The following CIDEA variants were observed in gnomAD, a reference collection of about 807,000 sequenced individuals.
The protein encoded by CIDEA is lipid transferase CIDEA.
Under a neutral mutation model 18.2 loss-of-function variants are expected in CIDEA, and 10 were observed. The ratio of observed to expected loss-of-function variants is 0.55; its 90% CI spans 0.34 to 0.93. The LOEUF (loss-of-function observed/expected upper bound fraction) is 0.93, where lower values mean the gene tolerates loss of function less well. CIDEA is among the 40% of genes least tolerant of loss of function. The pLI is 0.02. For missense variants in CIDEA, 309 were observed against 293.1 expected (o/e 1.05, Z -0.40); for synonymous variants, 128 against 124.8 (o/e 1.03, Z -0.17).
At chr18:12,275,006 G>A (rs1912665767) in intron 4 of CIDEA, among the ~76,000 whole-genome samples, 1 of 152,202 alleles carries the variant, frequency 6.6e-6, no homozygotes, top group African/African-American at 2.4e-5. Context: ...TAACTTCTCT[G>A]AGCCTTGCTT....
intron 1 of CIDEA, 45 bp from the exon 2 acceptor site, chr18:12,262,780 G>A (rs148468992): frequency 1.3e-6 from 2 of 1,573,186 alleles, no homozygotes; most frequent in Non-Finnish European, 1.7e-6. Flanking sequence ...CACTTCTTCT[G>A]ACAGACTCTT....
At position 12,274,143 on chromosome 18, in the gene CIDEA, G is replaced by A. The variant is rs779178307; in HGVS notation, c.381G>A (p.Ala127=). 2.4e-5 allele frequency: 38 copies of A among 1,613,952 alleles called. 1 individual carries two copies. The highest frequency in any genetic ancestry group is 4.4e-5 in the South Asian group (4 of 91,076). ...CGCCGCCGAAGAGGTCGGGAATAGC[G>A]AGAGTCACCTTCGACTTGTACAGGC... ...TCSPPKRSGI[A]RVTFDLYRLN... is the part of the protein sequence containing the mutation. Residue 127 remains alanine, a synonymous_variant, in exon 4 of 5, where the codon GCG becomes GCA. Transcript: ENST00000320477.
rs573292169 is a variant in CIDEA, at chr18:12,269,238, C to T, written c.330+4785C>T. On this transcript the variant is annotated intron_variant, in intron 3 of 4. Transcript: ENST00000320477. ...TTAATGTCTGGCTTAATAGAAGATT[C>T]TTATATCTGCTTCTTTATATTCAGT... Among the ~76,000 whole-genome samples, 5 of 152,238 alleles carry T rather than the reference C, an allele frequency of 3.3e-5. No homozygotes were observed. The East Asian group carries it at 9.6e-4, about 29-fold the overall frequency.
chr18:12,264,658 A>G (rs931591366), intron 3 of CIDEA, among the ~76,000 whole-genome samples: 2 of 150,708 alleles, frequency 1.3e-5, no homozygotes, highest in African/African-American at 2.4e-5. Context: ...GGTTCACGCC[A>G]TTCTCCTGCC....
chr18:12,274,260 C>G lies in CIDEA; in HGVS notation c.498C>G (p.Leu166=). The G allele has an allele frequency of 5.0e-6, 8 of 1,614,146 alleles. No homozygotes were observed. The highest frequency in any genetic ancestry group is 6.8e-6 in the Non-Finnish European group (8 of 1,180,006). Residue 166 remains leucine (L), a synonymous_variant, in exon 4 of 5, where the codon CTC becomes CTG. Transcript: ENST00000320477. ...CCTACGACATCCGGTGCACGGGACT[C>G]AAGGGCCTGCTGAGGTAACACACTC... ...SVSYDIRCTG[L]KGLLRSLLRF... is the part of the protein sequence containing the mutation.
chr18:12,260,574 A>G (rs1232593374), intron 1 of CIDEA, among the ~76,000 whole-genome samples: 1 of 152,362 alleles, frequency 6.6e-6, no homozygotes, highest in East Asian at 1.9e-4. Flanking sequence ...TAGATAATAT[A>G]CTATCTAAAA....
At chr18:12,268,887 G>T (rs1483969821) in intron 3 of CIDEA, among the ~76,000 whole-genome samples, 2 of 150,098 alleles carry the variant, frequency 1.3e-5, no homozygotes, top group Non-Finnish European at 1.5e-5. Flanking sequence ...GTGCAGTGGC[G>T]TGATCTCGGC....
chr18:12,262,650 A>G (rs139473264), intron 1 of CIDEA, among the ~76,000 whole-genome samples, 175 bp from the exon 2 acceptor site: 27 of 152,292 alleles, frequency 1.8e-4, no homozygotes, highest in African/African-American at 5.1e-4. Context: ...TTGATGTGTT[A>G]CTTGTTTCTT....
chr18:12,267,703 C>T (rs1388493180), intron 3 of CIDEA, among the ~76,000 whole-genome samples: 3 of 152,200 alleles, frequency 2.0e-5, no homozygotes, highest in Non-Finnish European at 2.9e-5. Flanking sequence ...CCATGTTTTC[C>T]AGGCTGGTCT....
chr18:12,257,120 C>T (rs569580731), intron 1 of CIDEA, among the ~76,000 whole-genome samples: 1 of 152,286 alleles, frequency 6.6e-6, no homozygotes, highest in East Asian at 1.9e-4. Flanking sequence ...GGAGCACTTT[C>T]CCAGCCCTCC....
chr18:12,264,462 A>G lies in CIDEA; in HGVS notation c.330+9A>G. On this transcript the variant is annotated intron_variant, in intron 3 of 4. Coordinates refer to ENST00000320477, the MANE Select transcript of CIDEA (RefSeq NM_001279.4). ...GACAGAAGTGGATGCCGGTAAGCAA[A>G]AACACTGTCACCCAAACAGCTACTG... 1 of 1,611,550 alleles carries G rather than the reference A, an allele frequency of 6.2e-7. No homozygotes were observed. Among genetic ancestry groups the G allele is most frequent in the Non-Finnish European group, 8.5e-7 (1 of 1,178,642 alleles).
chr18:12,269,365 CTG>C (rs1912448481), intron 3 of CIDEA, among the ~76,000 whole-genome samples: 1 of 152,132 alleles, frequency 6.6e-6, no homozygotes, highest in Non-Finnish European at 1.5e-5. Flanking sequence ...ATTCAGATAA[CTG>C]AGGATATTCT....
intron 1 of CIDEA, among the ~76,000 whole-genome samples, chr18:12,261,444 T>G (rs1912188766): frequency 1.3e-5 from 2 of 152,342 alleles, no homozygotes; most frequent in South Asian, 2.1e-4. Context: ...CCCCTTCTAG[T>G]GACAGCAGCA....
chr18:12,260,505 TACAA>T (rs1416665113), intron 1 of CIDEA, among the ~76,000 whole-genome samples: 2 of 152,168 alleles, frequency 1.3e-5, no homozygotes, highest in Non-Finnish European at 2.9e-5. Flanking sequence ...TTTTTTATAT[TACAA>T]ACAATTTGGT....
chr18:12,268,817 T>C (rs1598779663), intron 3 of CIDEA, among the ~76,000 whole-genome samples: 1 of 151,910 alleles, frequency 6.6e-6, no homozygotes, highest in Non-Finnish European at 1.5e-5. Context: ...CCAATACAGA[T>C]TAACTTAACT....
chr18:12,260,624 T>A (rs1375382963), intron 1 of CIDEA, among the ~76,000 whole-genome samples: 1 of 152,222 alleles, frequency 6.6e-6, no homozygotes, highest in Non-Finnish European at 1.5e-5. Flanking sequence ...ACAGGAAATA[T>A]AACAACGAAG....
At chr18:12,266,061 CA>C (rs200649401) in intron 3 of CIDEA, among the ~76,000 whole-genome samples, 2 of 152,102 alleles carry the variant, frequency 1.3e-5, no homozygotes, top group African/African-American at 4.8e-5. Flanking sequence ...CAATCTCCAC[CA>C]AAAAAAATTT....
chr18:12,256,800 A>G (rs1017255473), intron 1 of CIDEA, among the ~76,000 whole-genome samples: 1 of 152,178 alleles, frequency 6.6e-6, no homozygotes, highest in African/African-American at 2.4e-5. Flanking sequence ...TGCTTCTTGA[A>G]TTTAAATTCT....
In CIDEA at chr18:12,265,352, G is replaced by A. The variant is rs572081994; in HGVS notation, c.330+899G>A. Among the ~76,000 whole-genome samples, 5 of 152,354 alleles carry A rather than the reference G, an allele frequency of 3.3e-5. No homozygotes were observed. In the East Asian group the frequency reaches 5.8e-4, roughly 18 times the overall value. On this transcript the variant is annotated intron_variant, in intron 3 of 4. Transcript: ENST00000320477. The stretch of plus-strand genomic sequence containing the variant: ...GAGGCCAGCATCCAGAGAGGAACAC[G>A]AACACTGAAGCTGGCAGTTCCCCAG...
Sources: allele counts gnomAD v4.1 joint callset (sites outside exome capture counted in the v4.1 genomes callset), GRCh38; gene constraint gnomAD v4.1.1; transcripts MANE v1.5; gene names NCBI Gene and HGNC (gene_info 2026-07-23, HGNC 2026-07-21).